Variants in AFDN observed in about 807,000 individuals in gnomAD.
AFDN encodes the protein afadin, adherens junction formation factor.
A neutral mutation model predicts 216.6 loss-of-function variants in AFDN; 68 were observed. The ratio of observed to expected loss-of-function variants is 0.31; its 90% CI spans 0.26 to 0.38. The LOEUF is 0.38. Ranked by LOEUF, AFDN falls within the 10% of genes least tolerant of loss-of-function variation. AFDN has a pLI of 1.00. For missense variants in AFDN, 2,136 were observed against 2,342.0 expected (o/e 0.91, Z 1.82); for synonymous variants, 868 against 853.7 (o/e 1.02, Z -0.29).
chr6:167,947,320 T>TG (rs1795400929), intron 27 of AFDN, among the ~76,000 whole-genome samples: 2 of 152,034 alleles, frequency 1.3e-5, no homozygotes, highest in South Asian at 4.1e-4. Flanking sequence ...GCTGGGACTA[T>TG]GGGCGCCCAC....
chr6:167,846,975 T>C (rs1562543923), intron 1 of AFDN, among the ~76,000 whole-genome samples: 2 of 151,730 alleles, frequency 1.3e-5, no homozygotes, highest in Non-Finnish European at 2.9e-5. Flanking sequence ...AATAAAAAAA[T>C]AGTGAGGTAT....
intron 16 of AFDN, chr6:167,913,937 A>G (rs953754081): frequency 1.9e-6 from 1 of 520,360 alleles, no homozygotes; most frequent in Non-Finnish European, 3.4e-6. Flanking sequence ...TAGCTAACTG[A>G]ATCCATATGT....
intron 30 of AFDN, chr6:167,952,584 GTC>G (rs1478016954): frequency 2.4e-6 from 2 of 838,406 alleles, no homozygotes; most frequent in Admixed American, 6.2e-5. Context: ...AGGCCACGGG[GTC>G]TCTGGCAACC....
intron 6 of AFDN, among the ~76,000 whole-genome samples, chr6:167,887,456 T>C (rs1056872320): frequency 2.0e-5 from 3 of 151,534 alleles, no homozygotes; most frequent in Non-Finnish European, 2.9e-5. Flanking sequence ...TTTTTTTTTT[T>C]TTCTTTTTTT....
At chr6:167,907,826 A>G (rs1158183205) in intron 13 of AFDN, among the ~76,000 whole-genome samples, 1 of 152,050 alleles carries the variant, frequency 6.6e-6, no homozygotes, top group Non-Finnish European at 1.5e-5. Flanking sequence ...CTCTGGGCAG[A>G]GAACTGTCTT....
chr6:167,928,780 A>G (rs1157884837), intron 23 of AFDN, among the ~76,000 whole-genome samples: 3 of 152,202 alleles, frequency 2.0e-5, no homozygotes, highest in African/African-American at 7.2e-5. Flanking sequence ...TTCCACACCC[A>G]GCCTCTGCTA....
chr6:167,878,220 A>G (rs1785633366), intron 5 of AFDN, among the ~76,000 whole-genome samples: 1 of 152,158 alleles, frequency 6.6e-6, no homozygotes, highest in African/African-American at 2.4e-5. Flanking sequence ...TGCAGTTGGA[A>G]CCACTGTGTA....
intron 30 of AFDN, among the ~76,000 whole-genome samples, chr6:167,959,795 C>T (rs1409124312): frequency 6.6e-6 from 1 of 152,216 alleles, no homozygotes; most frequent in Admixed American, 6.5e-5. Flanking sequence ...AAGCTTGCTA[C>T]ATACTGGCTT....
intron 1 of AFDN, 50 bp downstream of exon 1, chr6:167,827,287 C>A: frequency 2.5e-6 from 2 of 797,134 alleles, no homozygotes; most frequent in Non-Finnish European, 3.0e-6. Flanking sequence ...CGCTGCGCCG[C>A]GCCCCGCCCC....
chr6:167,887,131 C>T (rs183722993), intron 6 of AFDN, among the ~76,000 whole-genome samples: 1 of 151,556 alleles, frequency 6.6e-6, no homozygotes, highest in Non-Finnish European at 1.5e-5. Context: ...TAATAATAAA[C>T]TGTTCTATAA....
At position 167,875,350 on chromosome 6, in the gene AFDN, G is replaced by A; in HGVS notation, c.594G>A (p.Leu198=). ...TTTCTTACAGTGAAAATTCTCGACT[G>A]GCTGCTGAGGTTTACAAAGACATGC... ...FQGEDVENSR[L]AAEVYKDMPE... Residue 198 remains leucine, a synonymous_variant, in exon 5 of 34, where the codon CTG becomes CTA. Coordinates refer to ENST00000683244, the MANE Select transcript of AFDN (RefSeq NM_001386888.1). 6.2e-7 allele frequency: 1 copy of A among 1,606,586 alleles called. No individual in the cohort carries two copies. Among genetic ancestry groups the A allele is most frequent in the Non-Finnish European group, 8.5e-7 (1 of 1,177,910 alleles).
chr6:167,964,994 A>G, intron 31 of AFDN: 10 of 1,049,898 alleles, frequency 9.5e-6, no homozygotes, highest in Non-Finnish European at 1.2e-5. Flanking sequence ...AATGTACAGT[A>G]TGTGTCAAAA....
intron 4 of AFDN, among the ~76,000 whole-genome samples, chr6:167,875,105 A>G (rs1016235922): frequency 6.6e-6 from 1 of 152,264 alleles, no homozygotes; most frequent in Non-Finnish European, 1.5e-5. Flanking sequence ...TATTAATGTA[A>G]ACTTTTAATG....
intron 21 of AFDN, among the ~76,000 whole-genome samples, chr6:167,921,630 A>G (rs140326703): frequency 5.6e-4 from 86 of 152,284 alleles, no homozygotes; most frequent in Admixed American, 2.5e-3. Flanking sequence ...CCAAACCTCT[A>G]TTTGTAATAT....
At position 167,947,897 on chromosome 6, in the gene AFDN, A is replaced by G; in HGVS notation, c.3598A>G (p.Thr1200Ala). Residue 1200 changes from threonine to alanine, a missense_variant, in exon 28 of 34, where the codon ACA (threonine) becomes GCA (alanine). Transcript: ENST00000683244. ...PGGKSAYASGTTAKITSVSTG... is the reference protein window; with the variant it reads ...PGGKSAYASGATAKITSVSTG... ...AGGGAAAAGTGCATATGCCTCTGGA[A>G]CAACAGCGAAGATAACATCTGTCTC... 1 of 1,614,118 alleles carries G rather than the reference A, an allele frequency of 6.2e-7. No individual in the cohort carries two copies. The highest frequency in any genetic ancestry group is 8.5e-7 in the Non-Finnish European group (1 of 1,179,980).
At chr6:167,909,113 T>C (rs1364230017) in intron 13 of AFDN, among the ~76,000 whole-genome samples, 1 of 152,152 alleles carries the variant, frequency 6.6e-6, no homozygotes, top group East Asian at 1.9e-4. Context: ...CAATTTTAGT[T>C]GTCTGTAAAT....
rs549690568 is a variant in AFDN at position 167,888,738 on chromosome 6, AAG to A, written c.898-473_898-472del. On this transcript the variant is annotated intron_variant, in intron 6 of 33. Transcript: ENST00000683244. ...ATGGTCTGATTAAAATTTAATCATAAAGAGATTATTTCAAGAAAACGAAAACT... is the reference window on the plus strand; with the variant it reads ...ATGGTCTGATTAAAATTTAATCATAAAGATTATTTCAAGAAAACGAAAACT... Among the ~76,000 whole-genome samples, 644 of 152,320 alleles carry A rather than the reference AAG, an allele frequency of 4.2e-3. 2 individuals carry two copies. Among genetic ancestry groups the A allele is most frequent in the Non-Finnish European group, 7.3e-3 (496 of 68,026 alleles).
chr6:167,908,754 G>A (rs1790026956), intron 13 of AFDN, among the ~76,000 whole-genome samples: 1 of 152,072 alleles, frequency 6.6e-6, no homozygotes, highest in South Asian at 2.1e-4. Context: ...AGTTTGCAGA[G>A]TTATTAAAGG....
At position 167,864,672 on chromosome 6, in the gene AFDN, C is replaced by T. The variant is rs1179655620; in HGVS notation, c.227C>T (p.Ala76Val). 10 of 1,614,038 alleles carry T rather than the reference C, an allele frequency of 6.2e-6. No individual in the cohort carries two copies. The highest frequency in any genetic ancestry group is 2.7e-5 in the African/African-American group (2 of 74,902). ...ATTQDVIETL[A>V]EKFRPDMRML... ...ACTCAAGATGTAATCGAAACGCTCG[C>T]GGAGAAATTTCGACCTGATATGCGA... The change falls in exon 2 of 34, where the codon GCG becomes GTG. Residue 76 changes from alanine to valine, a missense_variant. Ala to Val is a moderately conservative substitution (Grantham distance 64). Coordinates refer to ENST00000683244, the MANE Select transcript of AFDN (RefSeq NM_001386888.1).
Sources: allele counts gnomAD v4.1 joint callset (sites outside exome capture counted in the v4.1 genomes callset), GRCh38; gene constraint gnomAD v4.1.1; transcripts MANE v1.5; gene names NCBI Gene and HGNC (gene_info 2026-07-23, HGNC 2026-07-21).